The following NEK7 variants were observed in gnomAD, a reference collection of about 807,000 sequenced individuals.
The protein encoded by NEK7 is serine/threonine-protein kinase Nek7.
In NEK7, 18 loss-of-function variants were observed where a neutral mutation model predicts 44.6. The ratio of observed to expected loss-of-function variants is 0.40; its 90% confidence interval spans 0.28 to 0.60. The LOEUF (loss-of-function observed/expected upper bound fraction) is 0.60, where lower values mean the gene tolerates loss of function less well. Ranked by LOEUF, NEK7 falls within the 20% of genes least tolerant of loss-of-function variation. NEK7 has a pLI of 0.38. For missense variants in NEK7, 256 were observed against 366.5 expected (o/e 0.70, Z 2.46); for synonymous variants, 130 against 121.1 (o/e 1.07, Z -0.48).
rs536235867 is a variant in NEK7 at position 198,299,723 on chromosome 1, AG to A, written c.798+2486del. ...AGGTTACTGCCCAAACAAGATTTTA[AG>A]GGAGGATTTCATGAGAATACTAGCC... On this transcript the variant is annotated intron_variant, in intron 9 of 9. Transcript: ENST00000367385. 9.7e-4 allele frequency among the ~76,000 whole-genome samples: 148 copies of A among 152,316 alleles called. 1 individual carries two copies. The highest frequency in any genetic ancestry group is 3.4e-3 in the African/African-American group (143 of 41,578).
At chr1:198,172,992 A>T (rs1664495272) in intron 1 of NEK7, among the ~76,000 whole-genome samples, 1 of 152,166 alleles carries the variant, frequency 6.6e-6, no homozygotes, top group Admixed American at 6.5e-5. Context: ...TCTAATAGGC[A>T]ATTGGTTATA....
At chr1:198,228,852 C>G (rs1479229390) in intron 1 of NEK7, among the ~76,000 whole-genome samples, 1 of 152,126 alleles carries the variant, frequency 6.6e-6, no homozygotes, top group Non-Finnish European at 1.5e-5. Flanking sequence ...AATTAAATAT[C>G]CTTTATTTCT....
intron 1 of NEK7, among the ~76,000 whole-genome samples, chr1:198,201,455 T>C (rs2102792829): frequency 6.6e-6 from 1 of 152,356 alleles, no homozygotes; most frequent in Non-Finnish European, 1.5e-5. Flanking sequence ...TTATATATTT[T>C]TATGGCTGCT....
At chr1:198,247,451 T>C (rs1366229912) in intron 2 of NEK7, among the ~76,000 whole-genome samples, 1 of 152,126 alleles carries the variant, frequency 6.6e-6, no homozygotes, top group Non-Finnish European at 1.5e-5. Flanking sequence ...ATGGGATTGG[T>C]GAGAGAATTG....
At chr1:198,195,676 T>A (rs890065398) in intron 1 of NEK7, among the ~76,000 whole-genome samples, 2 of 151,938 alleles carry the variant, frequency 1.3e-5, no homozygotes, top group African/African-American at 4.8e-5. Context: ...AATACAAAAA[T>A]TAGCCAGGTG....
chr1:198,272,925 ATAATT>A (rs1436245406), intron 5 of NEK7, among the ~76,000 whole-genome samples: 2 of 151,830 alleles, frequency 1.3e-5, no homozygotes, highest in African/African-American at 4.8e-5. Flanking sequence ...TGTTTGCTAA[ATAATT>A]TAAGAGGTTT....
intron 3 of NEK7, among the ~76,000 whole-genome samples, chr1:198,259,483 C>A (rs912632570): frequency 6.6e-6 from 1 of 152,136 alleles, no homozygotes; most frequent in Non-Finnish European, 1.5e-5. Flanking sequence ...GATATACTTA[C>A]AATTTTGTGC....
intron 5 of NEK7, among the ~76,000 whole-genome samples, chr1:198,271,842 A>G (rs1653853608): frequency 6.7e-6 from 1 of 150,286 alleles, no homozygotes; most frequent in Admixed American, 6.7e-5. Context: ...AGTTAGCACT[A>G]TCTGAAAAAA....
intron 1 of NEK7, among the ~76,000 whole-genome samples, chr1:198,174,922 A>G (rs1409083254): frequency 6.6e-6 from 1 of 151,960 alleles, no homozygotes; most frequent in Non-Finnish European, 1.5e-5. Flanking sequence ...TTACTGGGCT[A>G]ATATTTTAAT....
intron 2 of NEK7, among the ~76,000 whole-genome samples, chr1:198,238,589 C>T (rs1410548101): frequency 1.3e-5 from 2 of 152,184 alleles, no homozygotes; most frequent in Non-Finnish European, 2.9e-5. Context: ...CCATGCTTAC[C>T]ATTTCAGATA....
At chr1:198,298,887 C>T (rs1654792977) in intron 9 of NEK7, among the ~76,000 whole-genome samples, 2 of 152,182 alleles carry the variant, frequency 1.3e-5, no homozygotes, top group African/African-American at 2.4e-5. Flanking sequence ...AATGATGATA[C>T]CACTAGTGGT....
intron 5 of NEK7, among the ~76,000 whole-genome samples, chr1:198,265,722 T>C (rs927618153): frequency 1.2e-4 from 19 of 152,244 alleles, no homozygotes; most frequent in Middle Eastern, 6.8e-3. Flanking sequence ...GTCTAACTTA[T>C]AGCACGCTGG....
rs192099479 is a variant in NEK7, at chr1:198,266,094, A to G, written c.372+1859A>G. Among the ~76,000 whole-genome samples, 4 of 152,202 alleles carry G rather than the reference A, an allele frequency of 2.6e-5. No individual in the cohort carries two copies. The East Asian group carries it at 7.7e-4, about 29-fold the overall frequency. ...TACCCATTTAAATATAAGAATATAT[A>G]CTAATACATTTATTCTTTCTCAGAC... On this transcript the variant is annotated intron_variant, in intron 5 of 9. Coordinates refer to ENST00000367385, the MANE Select transcript of NEK7 (RefSeq NM_133494.3).
intron 1 of NEK7, among the ~76,000 whole-genome samples, chr1:198,226,165 G>C (rs1666217206): frequency 6.6e-6 from 1 of 151,950 alleles, no homozygotes; most frequent in Non-Finnish European, 1.5e-5. Context: ...AGTGGTACGA[G>C]ATACACTATT....
At chr1:198,183,571 A>G (rs1373456086) in intron 1 of NEK7, among the ~76,000 whole-genome samples, 1 of 152,240 alleles carries the variant, frequency 6.6e-6, no homozygotes, top group African/African-American at 2.4e-5. Context: ...GTAAATAAAC[A>G]TTTTAGTTAA....
chr1:198,278,626 T>C (rs1207204650), intron 6 of NEK7, among the ~76,000 whole-genome samples: 2 of 151,890 alleles, frequency 1.3e-5, no homozygotes, highest in Admixed American at 6.6e-5. Flanking sequence ...ATTAAGATAT[T>C]TTATTTAAAA....
chr1:198,279,592 T>G (rs1217748636), intron 7 of NEK7, among the ~76,000 whole-genome samples: 1 of 151,938 alleles, frequency 6.6e-6, no homozygotes, highest in Non-Finnish European at 1.5e-5. Flanking sequence ...ATACAGGACT[T>G]AGATCAAATG....
At chr1:198,207,638 T>C (rs1470546646) in intron 1 of NEK7, among the ~76,000 whole-genome samples, 5 of 152,116 alleles carry the variant, frequency 3.3e-5, no homozygotes, top group African/African-American at 1.2e-4. Flanking sequence ...AAGATAAAAC[T>C]ATAGGGACAG....
intron 2 of NEK7, 56 bp downstream of exon 2, chr1:198,232,693 G>T: frequency 1.0e-6 from 1 of 969,048 alleles, no homozygotes; most frequent in Non-Finnish European, 1.6e-6. Context: ...TTAAATATGT[G>T]TAAGAAAGTA....
Sources: allele counts gnomAD v4.1 joint callset (sites outside exome capture counted in the v4.1 genomes callset), GRCh38; gene constraint gnomAD v4.1.1; transcripts MANE v1.5; gene names NCBI Gene and HGNC (gene_info 2026-07-23, HGNC 2026-07-21).